DPP6: variants seen among roughly 807,000 people sequenced by gnomAD.
The protein encoded by DPP6 is A-type potassium channel modulatory protein DPP6.
Under a neutral mutation model 122.6 loss-of-function variants are expected in DPP6, and 69 were observed. The observed-to-expected ratio is 0.56, with a 90% CI of 0.46 to 0.69. The LOEUF (loss-of-function observed/expected upper bound fraction) is 0.69. Among genes scored for constraint, DPP6 ranks in the 30% least tolerant of loss-of-function variants. The probability of loss-of-function intolerance (pLI) is 0.00; values close to 1 mark genes in which losing one functional copy is unlikely to be tolerated. For missense variants in DPP6, 928 were observed against 1,116.9 expected (o/e 0.83, Z 2.41); for synonymous variants, 418 against 433.1 (o/e 0.97, Z 0.43).
chr7:154,123,147 T>A (rs1404509842), intron 1 of DPP6, among the ~76,000 whole-genome samples: 1 of 152,146 alleles, frequency 6.6e-6, no homozygotes, highest in Admixed American at 6.5e-5. Flanking sequence ...GAATATGAAC[T>A]CCCGCAGACC....
chr7:154,153,196 T>G (rs1796510101), intron 1 of DPP6, among the ~76,000 whole-genome samples: 1 of 152,186 alleles, frequency 6.6e-6, no homozygotes, highest in African/African-American at 2.4e-5. Context: ...TACTTTTACT[T>G]TATTTTATTT....
At chr7:153,794,851 T>G in the DPP6 span, among the ~76,000 whole-genome samples, 1 of 152,192 alleles carries the variant, frequency 6.6e-6, no homozygotes, top group Non-Finnish European at 1.5e-5. Flanking sequence ...CTGATGGGTT[T>G]ATCAGGGGTT....
Position 154,183,649 on chromosome 7 carries a change from G to A in DPP6, c.243+130586G>A, listed in dbSNP as rs545605461. Among the ~76,000 whole-genome samples the A allele has an allele frequency of 2.6e-5, 4 of 152,234 alleles. No homozygotes were observed. The East Asian group carries it at 5.8e-4, about 22-fold the overall frequency. The stretch of plus-strand genomic sequence containing the variant: ...TTGCGTGGTTCCCACACCCTGCTGG[G>A]CACTGATCAGGTTCTAAGATCTGCC... On this transcript the variant is annotated intron_variant, in intron 1 of 25. Transcript: ENST00000377770.
intron 1 of DPP6, among the ~76,000 whole-genome samples, chr7:154,274,420 A>T (rs1261278430): frequency 1.3e-5 from 2 of 152,262 alleles, no homozygotes; most frequent in East Asian, 3.9e-4. Context: ...ACTGGAGTTG[A>T]TCTACATAAA....
intron 16 of DPP6, among the ~76,000 whole-genome samples, chr7:154,852,115 C>T (rs1331636247): frequency 1.3e-5 from 2 of 152,184 alleles, no homozygotes; most frequent in Non-Finnish European, 2.9e-5. Flanking sequence ...CACTCTGGGG[C>T]CTCTGCAGTG....
chr7:153,770,238 A>C, the DPP6 span, among the ~76,000 whole-genome samples: 2 of 152,160 alleles, frequency 1.3e-5, no homozygotes, highest in African/African-American at 4.8e-5. Flanking sequence ...GTGTATGAAA[A>C]TGGGAAAACT....
intron 1 of DPP6, among the ~76,000 whole-genome samples, chr7:154,261,754 G>A (rs1350749361): frequency 6.6e-6 from 1 of 152,032 alleles, no homozygotes; most frequent in Non-Finnish European, 1.5e-5. Flanking sequence ...ATTCCCAAAA[G>A]AAGATATACA....
chr7:153,929,754 A>C (rs4141106), intron 1 of DPP6, among the ~76,000 whole-genome samples: 44,045 of 152,076 alleles, frequency 0.29, 7,466 homozygotes, highest in East Asian at 0.64. Flanking sequence ...CTTGAAAGAA[A>C]AGCTTTTCTT....
chr7:154,219,036 G>C (rs780094021), intron 1 of DPP6, among the ~76,000 whole-genome samples: 1 of 152,180 alleles, frequency 6.6e-6, no homozygotes, highest in Non-Finnish European at 1.5e-5. Context: ...GTATTCTGCA[G>C]ATTTTGTACA....
chr7:153,794,228 C>A, the DPP6 span, among the ~76,000 whole-genome samples: 1 of 152,218 alleles, frequency 6.6e-6, no homozygotes, highest in Non-Finnish European at 1.5e-5. Flanking sequence ...ACACTCAGTG[C>A]CAGCCTGTGA....
At chr7:154,306,197 C>T (rs993345279) in intron 1 of DPP6, among the ~76,000 whole-genome samples, 1 of 152,136 alleles carries the variant, frequency 6.6e-6, no homozygotes, top group Non-Finnish European at 1.5e-5. Context: ...GGGAAGGCTG[C>T]GTGGGTCCCA....
chr7:154,369,864 C>T (rs116406089), intron 1 of DPP6, among the ~76,000 whole-genome samples: 1 of 152,132 alleles, frequency 6.6e-6, no homozygotes, highest in African/African-American at 2.4e-5. Context: ...TCCTAGCTTT[C>T]CTATTTTCTC....
intron 6 of DPP6, 84 bp from the exon 7 acceptor site, chr7:154,669,276 A>G (rs1838394914): frequency 1.3e-6 from 2 of 1,546,862 alleles, no homozygotes; most frequent in Non-Finnish European, 1.7e-6. Flanking sequence ...GAGTTAAGTT[A>G]TAGGTAGGGG....
At chr7:153,829,761 A>G in the DPP6 span, among the ~76,000 whole-genome samples, 1 of 152,220 alleles carries the variant, frequency 6.6e-6, no homozygotes, top group East Asian at 1.9e-4. Flanking sequence ...TCAGTCTCCT[A>G]GACAACAGTG....
Position 154,737,081 on chromosome 7 carries a change from C to A in DPP6, c.883+9194C>A, listed in dbSNP as rs60298851. Among the ~76,000 whole-genome samples, 435 of 152,344 alleles carry A rather than the reference C, an allele frequency of 2.9e-3. 1 individual carries two copies. Among genetic ancestry groups the A allele is most frequent in the African/African-American group, 9.7e-3 (404 of 41,582 alleles). ...CCAGGGGCACAGGATCATAGCTCAT[C>A]AGACTCTAGACCATCTAAATTCATG... On this transcript the variant is annotated intron_variant, in intron 8 of 25. Coordinates refer to ENST00000377770, the MANE Select transcript of DPP6 (RefSeq NM_130797.4).
chr7:154,613,080 C>T (rs1259090807), intron 5 of DPP6, among the ~76,000 whole-genome samples: 3 of 152,090 alleles, frequency 2.0e-5, no homozygotes, highest in Non-Finnish European at 4.4e-5. Context: ...ATAATGAGGG[C>T]ACTAATCTCA....
At chr7:154,209,467 TTAACTCTAGAGATTAAAATCCAG>T (rs1171952020) in intron 1 of DPP6, among the ~76,000 whole-genome samples, 3 of 151,926 alleles carry the variant, frequency 2.0e-5, no homozygotes, top group Non-Finnish European at 4.4e-5. Flanking sequence ...TTAAATCTAG[TTAACTCTAGAGATTAAAATCCAG>T]TAACTCTAGA....
chr7:154,629,510 T>C (rs1048090908), intron 5 of DPP6, among the ~76,000 whole-genome samples: 4 of 152,212 alleles, frequency 2.6e-5, no homozygotes, highest in Admixed American at 6.5e-5. Flanking sequence ...CTTCTCATTA[T>C]GTTACTATAT....
At chr7:153,843,269 C>T in the DPP6 span, among the ~76,000 whole-genome samples, 6,108 of 105,488 alleles carry the variant, frequency 0.058, 404 homozygotes, top group African/African-American at 0.18. Context: ...GACACACACG[C>T]ATGCGCGCGC....
Sources: gnomAD v4.1 joint callset for allele counts (sites outside exome capture counted in the v4.1 genomes callset) on GRCh38, gnomAD v4.1.1 for gene constraint, MANE v1.5 for transcripts, NCBI Gene and HGNC (gene_info 2026-07-23, HGNC 2026-07-21) for gene names.